DGKG: variants seen among roughly 807,000 people sequenced by gnomAD.
DGKG encodes DAG kinase gamma.
In DGKG, 78 loss-of-function variants were observed where a neutral mutation model predicts 105.3. The ratio of observed to expected loss-of-function variants is 0.74; its 90% CI spans 0.62 to 0.89. DGKG has a LOEUF of 0.89. Ranked by LOEUF, DGKG falls within the 40% of genes least tolerant of loss-of-function variation. The pLI is 0.00. For missense variants in DGKG, 958 were observed against 1,020.1 expected, an observed-to-expected ratio of 0.94 and a Z score of 0.83; for synonymous variants, 346 against 367.1, an observed-to-expected ratio of 0.94 and a Z score of 0.66.
intron 15 of DGKG, among the ~76,000 whole-genome samples, chr3:186,261,186 T>G (rs1257439874): frequency 6.6e-6 from 1 of 152,220 alleles, no homozygotes; most frequent in Non-Finnish European, 1.5e-5. Flanking sequence ...CTGTTAATGA[T>G]CCCGGAATTG....
chr3:186,325,881 T>C (rs975482493), intron 1 of DGKG, among the ~76,000 whole-genome samples: 5 of 152,182 alleles, frequency 3.3e-5, no homozygotes, highest in East Asian at 1.9e-4. Flanking sequence ...TCTTTAGATA[T>C]ATCTCAGTCA....
At chr3:186,290,931 G>T (rs1395955930) in intron 5 of DGKG, among the ~76,000 whole-genome samples, 1 of 152,220 alleles carries the variant, frequency 6.6e-6, no homozygotes, top group Non-Finnish European at 1.5e-5. Flanking sequence ...AGAACCAGGA[G>T]TAATGCCTAT....
intron 22 of DGKG, among the ~76,000 whole-genome samples, chr3:186,176,817 A>G (rs1717103893): frequency 6.6e-6 from 1 of 152,212 alleles, no homozygotes; most frequent in Admixed American, 6.5e-5. Context: ...TGAGGATGAA[A>G]AGAGATGGGC....
chr3:186,287,982 T>C (rs1056578369), intron 6 of DGKG, among the ~76,000 whole-genome samples: 2 of 152,238 alleles, frequency 1.3e-5, no homozygotes, highest in African/African-American at 4.8e-5. Flanking sequence ...CCTATTTTTT[T>C]AGAAGTATGT....
At chr3:186,301,244 C>G (rs563379396) in intron 3 of DGKG, among the ~76,000 whole-genome samples, 5 of 152,324 alleles carry the variant, frequency 3.3e-5, no homozygotes, top group Non-Finnish European at 7.3e-5. Context: ...AACCCCATGT[C>G]CATCTGTTGG....
At chr3:186,228,606 C>T (rs774574316) in intron 20 of DGKG, among the ~76,000 whole-genome samples, 2 of 152,190 alleles carry the variant, frequency 1.3e-5, no homozygotes, top group East Asian at 1.9e-4. Context: ...CGGGAACCTC[C>T]GGCCTCTCCG....
chr3:186,206,390 A>G (rs1202056582), intron 21 of DGKG, among the ~76,000 whole-genome samples: 1 of 151,150 alleles, frequency 6.6e-6, no homozygotes, highest in East Asian at 1.9e-4. Context: ...CAAAAAAACA[A>G]AACAAAACAA....
At chr3:186,272,781 T>C (rs1722379394) in intron 10 of DGKG, among the ~76,000 whole-genome samples, 1 of 151,770 alleles carries the variant, frequency 6.6e-6, no homozygotes, top group Non-Finnish European at 1.5e-5. Context: ...TGCAATGGTG[T>C]GATCTCGGCT....
chr3:186,319,281 A>G (rs1168883881), intron 2 of DGKG, among the ~76,000 whole-genome samples: 1 of 152,154 alleles, frequency 6.6e-6, no homozygotes, highest in East Asian at 1.9e-4. Flanking sequence ...AAGGGACCGC[A>G]GGGAGAGAAC....
chr3:186,240,639 G>C (rs1458313826), intron 20 of DGKG, among the ~76,000 whole-genome samples: 1 of 151,930 alleles, frequency 6.6e-6, no homozygotes, highest in South Asian at 2.1e-4. Context: ...GTGAAACACT[G>C]TCTCTACTAA....
chr3:186,226,558 A>C lies in DGKG; in HGVS notation c.1827-14673T>G, dbSNP rs1009095470. Among the ~76,000 whole-genome samples the C allele has an allele frequency of 9.2e-5, 14 of 152,312 alleles. No individual in the cohort carries two copies. The highest frequency in any genetic ancestry group is 3.1e-4 in the African/African-American group (13 of 41,552). On this transcript the variant is annotated intron_variant, in intron 20 of 24. Coordinates refer to ENST00000265022, the MANE Select transcript of DGKG (RefSeq NM_001346.3). The surrounding 1 kb of genome is among the most constrained non-coding windows in gnomAD (Gnocchi z 4.2). ...ACAACACTCTGTTGAGAGCTCCAAT[A>C]AAAGTTTCACTGAGATCAACAGTTT...
rs961553535 is a variant in DGKG at position 186,161,797 on chromosome 3, G to C, written c.2217-134C>G. The C allele has an allele frequency of 4.3e-6, 6 of 1,391,164 alleles. No homozygotes were observed. The African/African-American group carries it at 7.2e-5, about 17-fold the overall frequency. The allele number at this position is 1,391,164 out of a possible 1,614,324, so 86.2% of individuals were successfully genotyped here. A position where few individuals can be genotyped will look rare whatever the true frequency, so the allele number is the denominator to read the frequency against. On this transcript the variant is annotated intron_variant, in intron 23 of 24. Transcript: ENST00000265022. ...TGTGGTTCTCTAAGACTCTTTTGGA[G>C]AACTTGTTAAAAATAGATTTCTGAG...
chr3:186,301,043 G>T (rs1723896066), intron 3 of DGKG, among the ~76,000 whole-genome samples: 1 of 152,200 alleles, frequency 6.6e-6, no homozygotes, highest in African/African-American at 2.4e-5. Context: ...TACAGGCTGA[G>T]CTTTGAACTG....
At chr3:186,225,780 C>T (rs1719831359) in intron 20 of DGKG, among the ~76,000 whole-genome samples, 1 of 152,168 alleles carries the variant, frequency 6.6e-6, no homozygotes, top group African/African-American at 2.4e-5. Flanking sequence ...ATATAGACCG[C>T]TGTAGTTTTC....
chr3:186,305,117 A>G (rs1724164572), intron 3 of DGKG, among the ~76,000 whole-genome samples: 1 of 152,266 alleles, frequency 6.6e-6, no homozygotes, highest in Non-Finnish European at 1.5e-5. Flanking sequence ...GAACAAAAAT[A>G]TGCTAGTGGG....
chr3:186,149,008 GCACA>G lies in DGKG; in HGVS notation c.*1078_*1081del, dbSNP rs770045630. 79 of 799,810 alleles carry G rather than the reference GCACA, an allele frequency of 9.9e-5. No individual in the cohort carries two copies. Among genetic ancestry groups the G allele is most frequent in the East Asian group, 1.3e-4 (1 of 7,570 alleles). The allele number at this position is 799,810 out of a possible 1,614,324, so 49.5% of individuals were successfully genotyped here. On this transcript the variant is annotated 3_prime_UTR_variant, in exon 25 of 25. Coordinates refer to ENST00000265022, the MANE Select transcript of DGKG (RefSeq NM_001346.3). ...ATAGGCTAAATATATATATATACAC[GCACA>G]CACACACACACACGCGCGCACACAC...
intron 1 of DGKG, among the ~76,000 whole-genome samples, chr3:186,321,973 A>G (rs932464834): frequency 6.6e-6 from 1 of 152,098 alleles, no homozygotes; most frequent in African/African-American, 2.4e-5. Flanking sequence ...GTCATCAGTG[A>G]CCTAGCTGCC....
Position 186,176,401 on chromosome 3 carries a change from T to C in DGKG, c.2096-11383A>G, listed in dbSNP as rs781768441. ...AACAGGCTGCCTACAGCACCTACTA[T>C]TGAGAGATCATCTCAGAAAGATCTT... is the stretch of plus-strand genomic sequence containing the variant. On this transcript the variant is annotated intron_variant, in intron 22 of 24. Coordinates refer to ENST00000265022, the MANE Select transcript of DGKG (RefSeq NM_001346.3). 7.6e-4 allele frequency among the ~76,000 whole-genome samples: 116 copies of C among 152,190 alleles called. 1 individual carries two copies. Among genetic ancestry groups the C allele is most frequent in the Non-Finnish European group, 3.8e-4 (26 of 68,032 alleles).
chr3:186,152,408 T>C (rs4407400), intron 24 of DGKG, among the ~76,000 whole-genome samples: 22,421 of 152,190 alleles, frequency 0.15, 1,750 homozygotes, highest in South Asian at 0.29. Flanking sequence ...GCATTCTTTG[T>C]TCCCCTGTGG....
Sources: gnomAD v4.1 joint callset for allele counts (sites outside exome capture counted in the v4.1 genomes callset) on GRCh38, gnomAD v4.1.1 for gene constraint, Gnocchi (gnomAD v3.1) non-coding constraint, MANE v1.5 for transcripts, NCBI Gene and HGNC (gene_info 2026-07-23, HGNC 2026-07-21) for gene names.